Variants in NOTCH2NLR observed in about 807,000 individuals in gnomAD.
NOTCH2NLR encodes the protein notch 2 N-terminal like R, also known as notch 2 N-terminal like R (pseudogene).
NOTCH2NLR carries 33 observed loss-of-function variants against 35.6 expected under a neutral mutation model. The ratio of observed to expected loss-of-function variants is 0.93; its 90% CI spans 0.70 to 1.24. The LOEUF (loss-of-function observed/expected upper bound fraction) is 1.24, where lower values mean the gene tolerates loss of function less well. Ranked by LOEUF, NOTCH2NLR falls within the 50% of genes most tolerant of loss-of-function variation. The pLI, the probability that NOTCH2NLR is intolerant of heterozygous loss-of-function variation, is 0.00. For missense variants in NOTCH2NLR, 276 were observed against 362.2 expected, an observed-to-expected ratio of 0.76 and a Z score of 1.93; for synonymous variants, 103 against 141.0, an observed-to-expected ratio of 0.73 and a Z score of 1.91.
chr1:120,768,605 G>A (rs1280546882), intron 2 of NOTCH2NLR, among the ~76,000 whole-genome samples: 2 of 106,470 alleles, frequency 1.9e-5, no homozygotes, highest in East Asian at 4.6e-4. Flanking sequence ...GTACCTTCAC[G>A]ATAAAAAAAA....
rs1651115532 is a variant in NOTCH2NLR at position 120,759,919 on chromosome 1, C to CA, written c.74-3702dup. ...CTATGCAATATATCTCAAACATATACAAAAAAATTCTTCTTGTGTAACTGT... is the reference window on the plus strand; with the variant it reads ...CTATGCAATATATCTCAAACATATACAAAAAAAATTCTTCTTGTGTAACTGT... On this transcript the variant is annotated intron_variant, in intron 1 of 4. Coordinates refer to ENST00000624419, the Ensembl canonical transcript of NOTCH2NLR. Among the ~76,000 whole-genome samples, 6 of 102,566 alleles carry CA rather than the reference C, an allele frequency of 5.8e-5. 1 individual carries two copies. In the South Asian group the frequency reaches 1.7e-3, roughly 29 times the overall value. 67.3% of individuals were successfully genotyped at this position (102,566 alleles called of 152,430 possible). A position where few individuals can be genotyped will look rare whatever the true frequency, so the allele number is the denominator to read the frequency against.
chr1:120,730,034 T>C lies in NOTCH2NLR; in HGVS notation c.73+5784T>C, dbSNP rs1336883911. On this transcript the variant is annotated intron_variant, in intron 1 of 4. Coordinates refer to ENST00000624419, the Ensembl canonical transcript of NOTCH2NLR. Reference sequence around the variant, plus strand: ...ATAAGGTTAGTAAAGTTGTTTGTTTTGTCTTAAAAGAAATTTGTGAAATCC... The same window carrying C: ...ATAAGGTTAGTAAAGTTGTTTGTTTCGTCTTAAAAGAAATTTGTGAAATCC... 8.9e-5 allele frequency among the ~76,000 whole-genome samples: 9 copies of C among 101,232 alleles called. 1 individual carries two copies. The highest frequency in any genetic ancestry group is 1.6e-4 in the Non-Finnish European group (9 of 55,432). The allele number at this position is 101,232 out of a possible 152,430, so 66.4% of individuals were successfully genotyped here. A position where few individuals can be genotyped will look rare whatever the true frequency, so the allele number is the denominator to read the frequency against.
Position 120,784,846 on chromosome 1 carries a change from A to G in NOTCH2NLR, c.156-128A>G. 4.9e-6 allele frequency: 5 copies of G among 1,019,868 alleles called. 2 individuals are homozygous for G. The South Asian group carries it at 7.2e-5, about 15-fold the overall frequency. The allele number at this position is 1,019,868 out of a possible 1,614,324, so 63.2% of individuals were successfully genotyped here. A position where few individuals can be genotyped will look rare whatever the true frequency, so the allele number is the denominator to read the frequency against. ...TTCTTCTAAAGGGAAGCAGTTTTAT[A>G]GGTGGTACTTGTAGGTCTGTTGATT... On this transcript the variant is annotated intron_variant, in intron 2 of 4. Coordinates refer to ENST00000624419, the Ensembl canonical transcript of NOTCH2NLR.
At position 120,793,425 on chromosome 1, in the gene NOTCH2NLR, A is replaced by C. The variant is rs1651516563; in HGVS notation, c.680A>C (p.His227Pro). 7 of 1,442,646 alleles carry C rather than the reference A, an allele frequency of 4.9e-6. No individual in the cohort carries two copies. In the East Asian group the frequency reaches 9.4e-5, roughly 19 times the overall value. 89.4% of individuals were successfully genotyped at this position (1,442,646 alleles called of 1,614,324 possible). The change falls in exon 4 of 5, where the codon CAC (histidine) becomes CCC (proline). Residue 227 changes from histidine to proline, a missense_variant. Physicochemically the swap from His to Pro is moderately conservative, Grantham distance 77. Coordinates refer to ENST00000624419, the Ensembl canonical transcript of NOTCH2NLR. ...GACAGACTGTATGTGCCCTGTGCACACTCGCCTTGTGTCAATGGAGGCACC... is the reference window on the plus strand; with the variant it reads ...GACAGACTGTATGTGCCCTGTGCACCCTCGCCTTGTGTCAATGGAGGCACC...
rs1427731671 is a variant in NOTCH2NLR at position 120,769,579 on chromosome 1, T to A, written c.155+5870T>A. Among the ~76,000 whole-genome samples the A allele has an allele frequency of 1.1e-4, 14 of 122,702 alleles. 5 individuals are homozygous for A. The highest frequency in any genetic ancestry group is 2.5e-4 in the African/African-American group (6 of 24,216). The allele number at this position is 122,702 out of a possible 152,430, so 80.5% of individuals were successfully genotyped here. ...TTTAACATAAAACAAAGAATGCTGTTTTTTTGGCTCATTAAATACCTCTCA... is the reference window on the plus strand; with the variant it reads ...TTTAACATAAAACAAAGAATGCTGTATTTTTGGCTCATTAAATACCTCTCA... On this transcript the variant is annotated intron_variant, in intron 2 of 4. Coordinates refer to ENST00000624419, the Ensembl canonical transcript of NOTCH2NLR.
At chr1:120,791,885 C>A in intron 3 of NOTCH2NLR, among the ~76,000 whole-genome samples, 1 of 59,198 alleles carries the variant, frequency 1.7e-5, no homozygotes. Flanking sequence ...AAAAGCCAGC[C>A]ATGTGAATAC....
At chr1:120,761,107 G>A (rs1651132745) in intron 1 of NOTCH2NLR, among the ~76,000 whole-genome samples, 1 of 124,646 alleles carries the variant, frequency 8.0e-6, no homozygotes, top group Non-Finnish European at 1.6e-5. Flanking sequence ...GAGTTTGATT[G>A]GTTCACTAGG....
intron 2 of NOTCH2NLR, among the ~76,000 whole-genome samples, chr1:120,781,827 A>G (rs1651364975): frequency 1.7e-5 from 2 of 117,526 alleles, no homozygotes; most frequent in East Asian, 4.1e-4. Context: ...CAAAGTGCTG[A>G]GATTACTGGT....
At chr1:120,770,331 G>A (rs1361833076) in intron 2 of NOTCH2NLR, among the ~76,000 whole-genome samples, 1 of 108,090 alleles carries the variant, frequency 9.3e-6, no homozygotes, top group East Asian at 2.2e-4. Context: ...CACCACGCCC[G>A]GCTAATTTTT....
chr1:120,781,760 G>C (rs1651364034), intron 2 of NOTCH2NLR, among the ~76,000 whole-genome samples: 1 of 115,112 alleles, frequency 8.7e-6, no homozygotes, highest in Non-Finnish European at 1.7e-5. Context: ...AGACAGGACT[G>C]TGTTAGCCAG....
At chr1:120,789,417 TG>T (rs1319169704) in intron 3 of NOTCH2NLR, among the ~76,000 whole-genome samples, 2 of 102,960 alleles carry the variant, frequency 1.9e-5, no homozygotes, top group Non-Finnish European at 3.6e-5. Context: ...TCCATATGGC[TG>T]GGGAGGCCTC....
At chr1:120,775,969 A>AT (rs1453662453) in intron 2 of NOTCH2NLR, among the ~76,000 whole-genome samples, 1 of 89,620 alleles carries the variant, frequency 1.1e-5, no homozygotes, top group African/African-American at 8.4e-5. Context: ...AGTAGTCTAT[A>AT]TATCAGGAAT....
chr1:120,790,535 C>CCTTTGTTTCTTT (rs1651476007), intron 3 of NOTCH2NLR, among the ~76,000 whole-genome samples: 1 of 76,630 alleles, frequency 1.3e-5, no homozygotes, highest in Non-Finnish European at 2.3e-5. Flanking sequence ...TTTCTCCCTC[C>CCTTTGTTTCTTT]CTTTCTTTCT....
rs1160951883 is a variant in NOTCH2NLR, at chr1:120,779,549, G to T, written c.156-5425G>T. 7.2e-4 allele frequency among the ~76,000 whole-genome samples: 87 copies of T among 120,878 alleles called. 6 individuals are homozygous for T. The highest frequency in any genetic ancestry group is 3.0e-3 in the African/African-American group (79 of 26,682). The allele number at this position is 120,878 out of a possible 152,430, so 79.3% of individuals were successfully genotyped here. On this transcript the variant is annotated intron_variant, in intron 2 of 4. Transcript: ENST00000624419. ...AAAATAATTAATAAACTCCCTACAG[G>T]AGGGAAACATTCATATAGTTTTGCG...
rs1341402573 is a variant in NOTCH2NLR at position 120,778,394 on chromosome 1, G to C, written c.156-6580G>C. ...TCTGCTGGAAACTAGCCCAGAGGGA[G>C]TAAAGAGGAGCTTTAATGAGGAGCA... On this transcript the variant is annotated intron_variant, in intron 2 of 4. Transcript: ENST00000624419. 3.7e-5 allele frequency among the ~76,000 whole-genome samples: 4 copies of C among 109,226 alleles called. 1 individual carries two copies. Among genetic ancestry groups the C allele is most frequent in the Non-Finnish European group, 6.8e-5 (4 of 58,640 alleles). The allele number at this position is 109,226 out of a possible 152,430, so 71.7% of individuals were successfully genotyped here.
rs2101451646 is a variant in NOTCH2NLR at position 120,783,710 on chromosome 1, G to T, written c.156-1264G>T. Among the ~76,000 whole-genome samples the T allele has an allele frequency of 3.4e-5, 4 of 117,658 alleles. 2 individuals are homozygous for T. The East Asian group carries it at 8.5e-4, about 25-fold the overall frequency. The allele number at this position is 117,658 out of a possible 152,430, so 77.2% of individuals were successfully genotyped here. On this transcript the variant is annotated intron_variant, in intron 2 of 4. Transcript: ENST00000624419. ...GAACAACAGTAACAAATGCATTTGA[G>T]AGAAAGAGCAGTGCAGTCCAGACTT...
chr1:120,791,330 A>G (rs1326588099), intron 3 of NOTCH2NLR, among the ~76,000 whole-genome samples: 1 of 94,902 alleles, frequency 1.1e-5, no homozygotes, highest in Non-Finnish European at 1.9e-5. Flanking sequence ...TCGTGCTGCT[A>G]TAAAGACACA....
chr1:120,761,309 GC>G (rs1348443485), intron 1 of NOTCH2NLR, among the ~76,000 whole-genome samples: 1 of 113,906 alleles, frequency 8.8e-6, no homozygotes, highest in Non-Finnish European at 1.7e-5. Context: ...CAGGCACTGG[GC>G]ATGCCATTCA....
In NOTCH2NLR at chr1:120,785,180, G is replaced by A; in HGVS notation, c.362G>A (p.Cys121Tyr). 4 of 1,445,734 alleles carry A rather than the reference G, an allele frequency of 2.8e-6. 1 individual carries two copies. The highest frequency in any genetic ancestry group is 1.8e-4 in the Middle Eastern group (1 of 5,650). 89.6% of individuals were successfully genotyped at this position (1,445,734 alleles called of 1,614,324 possible). The change falls in exon 3 of 5, where the codon TGC (cysteine) becomes TAC (tyrosine). Residue 121 changes from cysteine to tyrosine, a missense_variant. By Grantham distance (194) the Cys-to-Tyr change is radical (BLOSUM62 -2). Coordinates refer to ENST00000624419, the Ensembl canonical transcript of NOTCH2NLR. The stretch of plus-strand genomic sequence containing the variant: ...CGACCTTGCCTGAATGGCGGCACAT[G>A]CCATATGCTCAGCCGGGATACCTAT...
Sources: gnomAD v4.1 joint callset for allele counts (sites outside exome capture counted in the v4.1 genomes callset) on GRCh38, gnomAD v4.1.1 for gene constraint, MANE v1.5 for transcripts, NCBI Gene and HGNC (gene_info 2026-07-23, HGNC 2026-07-21) for gene names.